EIF4G3: variants seen among roughly 807,000 people sequenced by gnomAD.
The protein encoded by EIF4G3 is eIF-4-gamma 3.
EIF4G3 carries 34 observed loss-of-function variants against 186.4 expected under a neutral mutation model. That is an observed-to-expected ratio of 0.18 (90% confidence interval 0.14 to 0.24). EIF4G3 has a LOEUF of 0.24. Ranked by LOEUF, EIF4G3 falls within the 10% of genes least tolerant of loss-of-function variation. The probability of loss-of-function intolerance (pLI) is 1.00; values close to 1 mark genes in which losing one functional copy is unlikely to be tolerated. For synonymous variants in EIF4G3, 673 were observed against 679.5 expected (o/e 0.99, Z 0.15); for missense variants, 1,536 against 1,948.5 (o/e 0.79, Z 3.99).
chr1:21,083,993 T>C (rs2095875167), intron 3 of EIF4G3, among the ~76,000 whole-genome samples: 1 of 152,130 alleles, frequency 6.6e-6, no homozygotes, highest in African/African-American at 2.4e-5. Context: ...CATATTCTAC[T>C]GACTTTACTT....
intron 3 of EIF4G3, among the ~76,000 whole-genome samples, chr1:21,083,349 AT>A (rs1009016944): frequency 3.4e-5 from 5 of 148,858 alleles, no homozygotes; most frequent in African/African-American, 7.4e-5. Flanking sequence ...ACACAAACAC[AT>A]TTTTTTTTTG....
chr1:20,869,306 ATTT>A (rs954573350), intron 20 of EIF4G3, among the ~76,000 whole-genome samples: 6 of 97,386 alleles, frequency 6.2e-5, no homozygotes, highest in Admixed American at 3.3e-4. Flanking sequence ...TTACTTTAAA[ATTT>A]TTTTTTTTTT....
At chr1:20,897,009 T>C (rs2154556208) in intron 16 of EIF4G3, among the ~76,000 whole-genome samples, 1 of 152,304 alleles carries the variant, frequency 6.6e-6, no homozygotes, top group East Asian at 1.9e-4. Flanking sequence ...TAATGATGCA[T>C]TTCTCAGAAC....
intron 3 of EIF4G3, among the ~76,000 whole-genome samples, chr1:21,054,278 C>T (rs1220234135): frequency 6.7e-6 from 1 of 149,246 alleles, no homozygotes; most frequent in Non-Finnish European, 1.5e-5. Context: ...GCAGCATGCC[C>T]GTTAAGAGTC....
intron 6 of EIF4G3, chr1:20,998,873 T>A (rs768957653): frequency 2.4e-6 from 1 of 417,312 alleles, no homozygotes; most frequent in Non-Finnish European, 4.8e-6. Flanking sequence ...GGAGCAAAAA[T>A]ATATGTCTTT....
chr1:20,818,048 A>T (rs1001288771), intron 33 of EIF4G3, among the ~76,000 whole-genome samples: 5 of 152,110 alleles, frequency 3.3e-5, no homozygotes, highest in African/African-American at 1.2e-4. Flanking sequence ...CATACCGTGT[A>T]TCTTAAAAAA....
intron 31 of EIF4G3, among the ~76,000 whole-genome samples, chr1:20,828,461 C>CGAAA (rs2064233705): frequency 6.6e-6 from 1 of 152,276 alleles, no homozygotes; most frequent in East Asian, 1.9e-4. Context: ...TATCTATACT[C>CGAAA]TAAGTGAGGC....
intron 4 of EIF4G3, among the ~76,000 whole-genome samples, chr1:21,013,111 A>G (rs2087700022): frequency 6.6e-6 from 1 of 152,072 alleles, no homozygotes; most frequent in African/African-American, 2.4e-5. Context: ...TATATCTCAG[A>G]GGGGCCCTCA....
At chr1:20,822,520 G>A (rs1460322511) in intron 33 of EIF4G3, among the ~76,000 whole-genome samples, 2 of 149,658 alleles carry the variant, frequency 1.3e-5, no homozygotes, top group East Asian at 3.9e-4. Flanking sequence ...ATTGATTTCT[G>A]ATATAATGTT....
chr1:21,004,155 T>A (rs1432443003), intron 4 of EIF4G3, among the ~76,000 whole-genome samples: 1 of 152,206 alleles, frequency 6.6e-6, no homozygotes, highest in African/African-American at 2.4e-5. Flanking sequence ...AACTGTTATA[T>A]ATTGCTGTAA....
chr1:20,828,724 GTTTGT>G lies in EIF4G3; in HGVS notation c.4187+418_4187+422del, dbSNP rs1395548293. Among the ~76,000 whole-genome samples, 4 of 152,268 alleles carry G rather than the reference GTTTGT, an allele frequency of 2.6e-5. No homozygotes were observed. The East Asian group carries it at 7.7e-4, about 29-fold the overall frequency. ...AAACGTAGGAATACTTGAGATCTCA[GTTTGT>G]TTTATTATAATCATCCTTTTATTAT... On this transcript the variant is annotated intron_variant, in intron 31 of 36. Coordinates refer to ENST00000602326, the MANE Select transcript of EIF4G3 (RefSeq NM_001391906.1).
At chr1:20,857,070 T>C (rs1278457483) in intron 25 of EIF4G3, among the ~76,000 whole-genome samples, 1 of 146,970 alleles carries the variant, frequency 6.8e-6, no homozygotes, top group East Asian at 2.0e-4. Flanking sequence ...GGCTGAGGCA[T>C]GAGAATGTTG....
In EIF4G3 at chr1:21,155,618, C is replaced by A. The variant is rs548798973; in HGVS notation, c.-272+20557G>T. Among the ~76,000 whole-genome samples, 9 of 152,084 alleles carry A rather than the reference C, an allele frequency of 5.9e-5. No homozygotes were observed. The South Asian group carries it at 1.9e-3, about 32-fold the overall frequency. On this transcript the variant is annotated intron_variant, in intron 2 of 36. Transcript: ENST00000602326. ...GGCTAATGCGGGAGAATTGCTTGAG[C>A]CCAGGAGTTGGGAGTTTGCAGTGAG...
At chr1:20,957,800 G>A (rs1573513088) in intron 12 of EIF4G3, among the ~76,000 whole-genome samples, 1 of 151,958 alleles carries the variant, frequency 6.6e-6, no homozygotes, top group Admixed American at 6.6e-5. Flanking sequence ...AAAACCTAAA[G>A]GAAATGGATA....
intron 3 of EIF4G3, among the ~76,000 whole-genome samples, chr1:21,058,815 T>A (rs193195630): frequency 7.3e-6 from 1 of 137,722 alleles, no homozygotes; most frequent in East Asian, 2.5e-4. Flanking sequence ...GTGATCCTCC[T>A]ACCTCCGCTT....
chr1:21,089,862 T>C (rs929366766), intron 2 of EIF4G3, among the ~76,000 whole-genome samples: 1 of 152,174 alleles, frequency 6.6e-6, no homozygotes, highest in African/African-American at 2.4e-5. Context: ...TACAACATAC[T>C]TCCTTCCTAA....
intron 20 of EIF4G3, among the ~76,000 whole-genome samples, chr1:20,868,090 C>CTTTT (rs66560662): frequency 3.3e-5 from 3 of 90,414 alleles, no homozygotes; most frequent in Non-Finnish European, 6.0e-5. Flanking sequence ...TGGTGATTTT[C>CTTTT]TTTTTTTTTT....
At chr1:20,933,578 C>A (rs188984794) in intron 14 of EIF4G3, among the ~76,000 whole-genome samples, 1 of 152,180 alleles carries the variant, frequency 6.6e-6, no homozygotes, top group East Asian at 1.9e-4. Context: ...TCACTTGAAC[C>A]TGGGAGGCGG....
At chr1:21,075,925 C>T (rs2095576540) in intron 3 of EIF4G3, among the ~76,000 whole-genome samples, 1 of 152,098 alleles carries the variant, frequency 6.6e-6, no homozygotes, top group Admixed American at 6.6e-5. Flanking sequence ...CCACTCTCAG[C>T]ATTGGACAGA....
Sources: allele counts gnomAD v4.1 joint callset (sites outside exome capture counted in the v4.1 genomes callset), GRCh38; gene constraint gnomAD v4.1.1; transcripts MANE v1.5; gene names NCBI Gene and HGNC (gene_info 2026-07-23, HGNC 2026-07-21).